MAML3: variants seen among roughly 807,000 people sequenced by gnomAD.
The protein encoded by MAML3 is mastermind like transcriptional coactivator 3, also known as mastermind-like protein 3.
Under a neutral mutation model 101.9 loss-of-function variants are expected in MAML3, and 27 were observed. That is an observed-to-expected ratio of 0.27 (90% CI 0.20 to 0.37). The LOEUF (loss-of-function observed/expected upper bound fraction) is 0.37, where lower values mean the gene tolerates loss of function less well. Among genes scored for constraint, MAML3 ranks in the 10% least tolerant of loss-of-function variants. MAML3 has a pLI of 1.00. For synonymous variants in MAML3, 501 were observed against 555.9 expected (o/e 0.90, Z 1.39); for missense variants, 1,316 against 1,444.9 (o/e 0.91, Z 1.45).
chr4:139,780,876 G>C (rs1279540985), intron 2 of MAML3, among the ~76,000 whole-genome samples: 1 of 152,026 alleles, frequency 6.6e-6, no homozygotes. Context: ...TGATCTGCTC[G>C]CCTTGGCTGC....
chr4:139,917,017 T>C (rs760089131), intron 1 of MAML3, among the ~76,000 whole-genome samples: 3 of 152,234 alleles, frequency 2.0e-5, no homozygotes, highest in Non-Finnish European at 4.4e-5. Flanking sequence ...GAGGTTTACA[T>C]AAAAATGGAT....
rs1045446961 is a variant in MAML3, at chr4:139,890,154, C to T, written c.1282G>A (p.Gly428Ser). ...PQTPNQAHTP[G>S]QAPPRPGNGY... ...TTTCCAGGCCGAGGTGGAGCTTGGC[C>T]TGGAGTGTGGGCTTGGTTTGGAGTT... The change falls in exon 2 of 5, where the codon GGC (glycine) becomes AGC (serine). Residue 428 changes from glycine (G) to serine (S), a missense_variant. Transcript: ENST00000509479. This position sits in a 1 kb window ranked among gnomAD's most constrained non-coding sequence, Gnocchi z 4.1. The T allele has an allele frequency of 1.2e-6, 2 of 1,613,648 alleles. No individual in the cohort carries two copies. The highest frequency in any genetic ancestry group is 1.3e-5 in the African/African-American group (1 of 75,036).
At chr4:140,021,553 G>A (rs1050452129) in intron 1 of MAML3, among the ~76,000 whole-genome samples, 12 of 152,038 alleles carry the variant, frequency 7.9e-5, no homozygotes, top group African/African-American at 2.9e-4. Context: ...GCTGAAAAGT[G>A]GCAAAAATAT....
intron 2 of MAML3, among the ~76,000 whole-genome samples, chr4:139,773,661 T>C (rs1174072099): frequency 6.6e-6 from 1 of 152,144 alleles, no homozygotes; most frequent in Non-Finnish European, 1.5e-5. Context: ...AAAAAGGAGA[T>C]TCTGAAGTTC....
chr4:139,821,484 G>A (rs947818773), intron 2 of MAML3, among the ~76,000 whole-genome samples: 4 of 152,152 alleles, frequency 2.6e-5, no homozygotes, highest in African/African-American at 9.7e-5. Context: ...CATCCCCCCG[G>A]CCGACCCCTG....
chr4:139,770,169 C>T (rs1033453924), intron 2 of MAML3, among the ~76,000 whole-genome samples: 4 of 150,728 alleles, frequency 2.7e-5, no homozygotes, highest in East Asian at 3.9e-4. Flanking sequence ...TGGGCTCCAG[C>T]GATCCTCCCG....
chr4:139,994,655 GTC>G (rs1460092122), intron 1 of MAML3, among the ~76,000 whole-genome samples: 5 of 152,172 alleles, frequency 3.3e-5, no homozygotes, highest in African/African-American at 1.2e-4. Context: ...GAGACACCCA[GTC>G]TCTAAATTAA....
At chr4:139,816,875 A>T (rs979951240) in intron 2 of MAML3, among the ~76,000 whole-genome samples, 2 of 152,180 alleles carry the variant, frequency 1.3e-5, no homozygotes, top group African/African-American at 4.8e-5. Flanking sequence ...ACATAGCCAC[A>T]CGGAGGGAAT....
intron 2 of MAML3, among the ~76,000 whole-genome samples, chr4:139,805,086 G>A (rs1730679778): frequency 1.3e-5 from 2 of 152,210 alleles, no homozygotes; most frequent in Admixed American, 1.3e-4. Flanking sequence ...GGCTGAGGCA[G>A]GAGAATTGCT....
chr4:139,946,992 C>T (rs1234121278), intron 1 of MAML3, among the ~76,000 whole-genome samples: 1 of 151,864 alleles, frequency 6.6e-6, no homozygotes, highest in Non-Finnish European at 1.5e-5. Context: ...TAATTAAGCT[C>T]ACATCCTGAC....
At chr4:139,917,108 C>T (rs1026530898) in intron 1 of MAML3, among the ~76,000 whole-genome samples, 1 of 152,132 alleles carries the variant, frequency 6.6e-6, no homozygotes, top group African/African-American at 2.4e-5. Flanking sequence ...AGGTCCAAAG[C>T]TTTTCTCAGA....
At chr4:139,925,450 G>A (rs183811781) in intron 1 of MAML3, among the ~76,000 whole-genome samples, 69 of 152,148 alleles carry the variant, frequency 4.5e-4, no homozygotes, top group African/African-American at 1.4e-3. Context: ...GGCTAGTCTC[G>A]AACTCCTGAC....
intron 1 of MAML3, among the ~76,000 whole-genome samples, chr4:139,947,803 C>T (rs923513053): frequency 5.3e-5 from 8 of 152,002 alleles, no homozygotes; most frequent in Non-Finnish European, 1.2e-4. Flanking sequence ...ATTTCTAGAA[C>T]ACTAAAAGCT....
At position 139,719,467 on chromosome 4, in the gene MAML3, G is replaced by C. The variant is rs377696242; in HGVS notation, c.3273C>G (p.Asp1091Glu). The C allele has an allele frequency of 1.2e-6, 2 of 1,614,018 alleles. No homozygotes were observed. Among genetic ancestry groups the C allele is most frequent in the Middle Eastern group, 1.6e-4 (1 of 6,062 alleles). The change falls in exon 5 of 5, where the codon GAC becomes GAG. Residue 1091 changes from aspartate to glutamate, a missense_variant. Physicochemically the swap from Asp to Glu is conservative, Grantham distance 45 (BLOSUM62 2). Transcript: ENST00000509479. ...SQAYERNAPQ[D>E]VSYNYSGDGA... ...CGTCGCCACTGTAATTGTATGACAC[G>C]TCCTGAGGGGCATTCCGCTCATAGG...
rs1446702134 is a variant in MAML3 at position 140,154,127 on chromosome 4, G to GCCGCCT, written c.-801_-800insAGGCGG. ...ACTGCTCGCCGCCGCCGCCGCCGCC[G>GCCGCCT]CCTCCTCCTCCTCCTCTCGCTCCTC... is the stretch of plus-strand genomic sequence containing the variant. On this transcript the variant is annotated 5_prime_UTR_variant, in exon 1 of 5. Transcript: ENST00000509479. 1.1e-5 allele frequency: 2 copies of GCCGCCT among 179,608 alleles called. No individual in the cohort carries two copies. Among genetic ancestry groups the GCCGCCT allele is most frequent in the East Asian group, 1.7e-4 (1 of 5,922 alleles). 11.1% of individuals were successfully genotyped at this position (179,608 alleles called of 1,614,324 possible). A position where few individuals can be genotyped will look rare whatever the true frequency, so the allele number is the denominator to read the frequency against.
At chr4:139,722,019 A>T (rs1031758830) in intron 4 of MAML3, among the ~76,000 whole-genome samples, 4 of 152,206 alleles carry the variant, frequency 2.6e-5, no homozygotes, top group African/African-American at 9.6e-5. Flanking sequence ...CCCAAATTAT[A>T]TAAACAGTCT....
chr4:139,767,078 A>C (rs1007619500), intron 2 of MAML3, among the ~76,000 whole-genome samples: 7 of 152,236 alleles, frequency 4.6e-5, no homozygotes, highest in African/African-American at 1.7e-4. Flanking sequence ...AACCCAACTT[A>C]TATTCCTTTG....
chr4:140,093,770 G>A (rs1447154475), intron 1 of MAML3, among the ~76,000 whole-genome samples: 1 of 152,036 alleles, frequency 6.6e-6, no homozygotes, highest in East Asian at 1.9e-4. Context: ...TGCCTTCCTG[G>A]ATCAAATCTA....
In MAML3 at chr4:139,890,432, T is replaced by C. The variant is rs531258812; in HGVS notation, c.1004A>G (p.Glu335Gly). 1.9e-6 allele frequency: 3 copies of C among 1,608,250 alleles called. No individual in the cohort carries two copies. The highest frequency in any genetic ancestry group is 2.6e-6 in the Non-Finnish European group (3 of 1,175,446). Residue 335 changes from glutamate (E) to glycine (G), a missense_variant, in exon 2 of 5, where the codon GAG becomes GGG. Transcript: ENST00000509479. This position sits in a 1 kb window ranked among gnomAD's most constrained non-coding sequence, Gnocchi z 4.1. ...IQDLFNEDFE[E>G]KKEPEFSQPA... ...CTGCGAGAATTCTGGCTCCTTCTTC[T>C]CTTCAAAGTCTTCGTTGAACAGGTC...
Sources: allele counts gnomAD v4.1 joint callset (sites outside exome capture counted in the v4.1 genomes callset), GRCh38; gene constraint gnomAD v4.1.1; non-coding constraint Gnocchi (gnomAD v3.1); transcripts MANE v1.5; gene names NCBI Gene and HGNC (gene_info 2026-07-23, HGNC 2026-07-21).